Variants in ZNF25 observed in about 807,000 individuals in gnomAD.
ZNF25 encodes the protein zinc finger protein 25.
A neutral mutation model predicts 30.9 loss-of-function variants in ZNF25; 21 were observed. That is an observed-to-expected ratio of 0.68 (90% CI 0.48 to 0.98). ZNF25 has a LOEUF of 0.98. Ranked by LOEUF, ZNF25 falls within the 50% of genes least tolerant of loss-of-function variation. The pLI is 0.00. For missense variants in ZNF25, 501 were observed against 529.9 expected (o/e 0.95, Z 0.54); for synonymous variants, 169 against 181.3 (o/e 0.93, Z 0.55).
At position 37,952,069 on chromosome 10, in the gene ZNF25, G is replaced by GT; in HGVS notation, c.*57dup. On this transcript the variant is annotated 3_prime_UTR_variant, in exon 6 of 6. Coordinates refer to ENST00000302609, the MANE Select transcript of ZNF25 (RefSeq NM_145011.4). ...GCGATTCATAAGGTGTACCTCTTGT[G>GT]TGAATTATCTGATTGTTTTGAAGGA... 1 of 1,476,468 alleles carries GT rather than the reference G, an allele frequency of 6.8e-7. No homozygotes were observed. Among genetic ancestry groups the GT allele is most frequent in the Admixed American group, 2.3e-5 (1 of 43,656 alleles). The allele number at this position is 1,476,468 out of a possible 1,614,324, so 91.5% of individuals were successfully genotyped here.
In ZNF25 at chr10:37,953,162, A is replaced by G. The variant is rs2062281468; in HGVS notation, c.336T>C (p.His112=). The change falls in exon 6 of 6, where the codon CAT becomes CAC. Residue 112 remains histidine (H), a synonymous_variant. Coordinates refer to ENST00000302609, the MANE Select transcript of ZNF25 (RefSeq NM_145011.4). ...TACATTCACAGGCTTTCTCTGTGGTATGAGTTTTCTGATGTTTTGTGAGTT... is the reference window on the plus strand; with the variant it reads ...TACATTCACAGGCTTTCTCTGTGGTGTGAGTTTTCTGATGTTTTGTGAGTT... ...NGELTKHQKT[H]TTEKACECKE... 1 of 1,594,350 alleles carries G rather than the reference A, an allele frequency of 6.3e-7. No homozygotes were observed. Among genetic ancestry groups the G allele is most frequent in the South Asian group, 1.1e-5 (1 of 87,542 alleles).
intron 1 of ZNF25, among the ~76,000 whole-genome samples, chr10:37,975,183 C>T (rs1167261451): frequency 6.6e-6 from 1 of 152,058 alleles, no homozygotes; most frequent in Non-Finnish European, 1.5e-5. Flanking sequence ...AGGATTAAGT[C>T]CTAGTGTTCA....
intron 1 of ZNF25, among the ~76,000 whole-genome samples, chr10:37,976,058 T>C (rs1350771389): frequency 6.6e-6 from 1 of 152,194 alleles, no homozygotes; most frequent in Non-Finnish European, 1.5e-5. Flanking sequence ...TTTGTAATAA[T>C]AGAAGCAGCT....
At chr10:37,955,715 T>C (rs1590199267) in intron 4 of ZNF25, among the ~76,000 whole-genome samples, 1 of 152,338 alleles carries the variant, frequency 6.6e-6, no homozygotes, top group South Asian at 2.1e-4. Flanking sequence ...AGTCTCACTG[T>C]TGTCCAGGCT....
intron 5 of ZNF25, 191 bp downstream of exon 5, chr10:37,953,504 T>G: frequency 1.6e-6 from 1 of 630,436 alleles, no homozygotes; most frequent in Non-Finnish European, 2.7e-6. Context: ...ACTTCAAAGT[T>G]TCAATCTCCC....
At chr10:37,969,943 A>G (rs1403258114) in intron 2 of ZNF25, among the ~76,000 whole-genome samples, 2 of 152,186 alleles carry the variant, frequency 1.3e-5, no homozygotes, top group African/African-American at 2.4e-5. Flanking sequence ...TAAGGCTCAC[A>G]TGACCCTGAG....
intron 1 of ZNF25, among the ~76,000 whole-genome samples, chr10:37,974,047 A>G (rs1354382911): frequency 6.6e-6 from 1 of 152,202 alleles, no homozygotes; most frequent in Non-Finnish European, 1.5e-5. Flanking sequence ...TCTTCAATAA[A>G]TGGTGCTGAG....
chr10:37,953,625 C>A (rs2062322654), intron 5 of ZNF25, 70 bp downstream of exon 5: 1 of 1,422,488 alleles, frequency 7.0e-7, no homozygotes, highest in Admixed American at 1.7e-5. Context: ...AGTGCCCTCC[C>A]ATTTCTAGTA....
Position 37,952,657 on chromosome 10 carries a change from T to C in ZNF25, c.841A>G (p.Thr281Ala), listed in dbSNP as rs769472326. 1 of 1,613,946 alleles carries C rather than the reference T, an allele frequency of 6.2e-7. No homozygotes were observed. Among genetic ancestry groups the C allele is most frequent in the Non-Finnish European group, 8.5e-7 (1 of 1,179,950 alleles). Reference sequence around the variant, plus strand: ...TTACATTTATAGGGTTTCTCCCCTGTGTGCATTCTCTGATGTACTGTGAGG... The same window carrying C: ...TTACATTTATAGGGTTTCTCCCCTGCGTGCATTCTCTGATGTACTGTGAGG... Reference protein sequence around the residue: ...SHLTVHQRMHTGEKPYKCKEC... With the variant: ...SHLTVHQRMHAGEKPYKCKEC... The change falls in exon 6 of 6, where the codon ACA becomes GCA. Residue 281 changes from threonine (T) to alanine (A), a missense_variant. Physicochemically the swap from Thr to Ala is moderately conservative, Grantham distance 58. Transcript: ENST00000302609.
intron 1 of ZNF25, among the ~76,000 whole-genome samples, chr10:37,974,019 A>G (rs1361707258): frequency 6.6e-6 from 1 of 152,234 alleles, no homozygotes; most frequent in Non-Finnish European, 1.5e-5. Context: ...AAGAACATAC[A>G]TTGGAGAAAT....
chr10:37,969,408 G>A (rs2063362984), intron 2 of ZNF25, among the ~76,000 whole-genome samples: 1 of 152,188 alleles, frequency 6.6e-6, no homozygotes, highest in Admixed American at 6.5e-5. Context: ...AAATTGTGGT[G>A]TATATACACA....
In ZNF25 at chr10:37,965,983, T is replaced by C. The variant is rs569385594; in HGVS notation, c.15+5725A>G. ...GATTGTTAAAAATTAGAAAAGTTAA[T>C]TGTAATACTAAGAGTAACCACTAAA... On this transcript the variant is annotated intron_variant, in intron 2 of 5. Transcript: ENST00000302609. 6.6e-5 allele frequency among the ~76,000 whole-genome samples: 10 copies of C among 152,192 alleles called. No individual in the cohort carries two copies. In the South Asian group the frequency reaches 2.1e-3, roughly 32 times the overall value.
At chr10:37,957,586 A>C in intron 2 of ZNF25, 40 bp from the exon 3 acceptor site, 3 of 1,593,412 alleles carry the variant, frequency 1.9e-6, no homozygotes, top group Non-Finnish European at 2.6e-6. Context: ...AGTAACCAGA[A>C]TAGATTGCAT....
Position 37,953,841 on chromosome 10 carries a change from A to T in ZNF25, c.239-83T>A, listed in dbSNP as rs2062344313. 7.1e-6 allele frequency: 9 copies of T among 1,269,618 alleles called. No individual in the cohort carries two copies. The Admixed American group carries it at 1.7e-4, about 23-fold the overall frequency. The allele number at this position is 1,269,618 out of a possible 1,614,324, so 78.6% of individuals were successfully genotyped here. ...GCATTGATTCTTAGGCTTCAGGCCAATTTCTCATAATGAAAGAACCTCAAA... is the reference window on the plus strand; with the variant it reads ...GCATTGATTCTTAGGCTTCAGGCCATTTTCTCATAATGAAAGAACCTCAAA... On this transcript the variant is annotated intron_variant, in intron 4 of 5. Coordinates refer to ENST00000302609, the MANE Select transcript of ZNF25 (RefSeq NM_145011.4).
chr10:37,954,263 G>C (rs998795819), intron 4 of ZNF25, among the ~76,000 whole-genome samples: 1 of 152,190 alleles, frequency 6.6e-6, no homozygotes, highest in Non-Finnish European at 1.5e-5. Flanking sequence ...CTAGCATTTA[G>C]CAGACAAACT....
intron 2 of ZNF25, 41 bp from the exon 3 acceptor site, chr10:37,957,587 T>C (rs769240252): frequency 3.1e-6 from 5 of 1,593,370 alleles, no homozygotes; most frequent in Non-Finnish European, 4.3e-6. Flanking sequence ...GTAACCAGAA[T>C]AGATTGCATA....
chr10:37,973,974 C>G (rs1379833358), intron 1 of ZNF25, among the ~76,000 whole-genome samples: 1 of 152,066 alleles, frequency 6.6e-6, no homozygotes, highest in Non-Finnish European at 1.5e-5. Context: ...TAAATACATG[C>G]ATTTATAGCC....
At chr10:37,954,524 A>G (rs556595649) in intron 4 of ZNF25, among the ~76,000 whole-genome samples, 1 of 152,086 alleles carries the variant, frequency 6.6e-6, no homozygotes, top group Non-Finnish European at 1.5e-5. Flanking sequence ...ACCACCAGAG[A>G]TTTTCAATCC....
At position 37,950,060 on chromosome 10, in the gene ZNF25, G is replaced by A. The variant is rs141438573; in HGVS notation, c.*2067C>T. 6.6e-6 allele frequency: 1 copy of A among 152,662 alleles called. No homozygotes were observed. The highest frequency in any genetic ancestry group is 1.5e-5 in the Non-Finnish European group (1 of 68,016). The allele number at this position is 152,662 out of a possible 1,614,324, so 9.5% of individuals were successfully genotyped here. A position where few individuals can be genotyped will look rare whatever the true frequency, so the allele number is the denominator to read the frequency against. On this transcript the variant is annotated 3_prime_UTR_variant, in exon 6 of 6. Transcript: ENST00000302609. ...AAAAACCACCCACCTACAAATTGCT[G>A]TATGCATCATTTCTGAAACATGAAA...
Sources: allele counts gnomAD v4.1 joint callset (sites outside exome capture counted in the v4.1 genomes callset), GRCh38; gene constraint gnomAD v4.1.1; transcripts MANE v1.5; gene names NCBI Gene and HGNC (gene_info 2026-07-23, HGNC 2026-07-21).